The following EIF4A2 variants were observed in gnomAD, a reference collection of about 807,000 sequenced individuals.
EIF4A2 encodes the protein eukaryotic translation initiation factor 4A2, also known as eukaryotic initiation factor 4A-II.
Under a neutral mutation model 50.6 loss-of-function variants are expected in EIF4A2, and 9 were observed. The ratio of observed to expected loss-of-function variants is 0.18; its 90% CI spans 0.11 to 0.31. The LOEUF (loss-of-function observed/expected upper bound fraction) is 0.31, where lower values mean the gene tolerates loss of function less well. Ranked by LOEUF, EIF4A2 falls within the 10% of genes least tolerant of loss-of-function variation. The probability of loss-of-function intolerance (pLI) is 1.00; values close to 1 mark genes in which losing one functional copy is unlikely to be tolerated. For synonymous variants in EIF4A2, 215 were observed against 164.4 expected (o/e 1.31, Z -2.35); for missense variants, 182 against 501.8 (o/e 0.36, Z 6.09).
intron 1 of EIF4A2, chr3:186,784,151 C>G: frequency 1.9e-6 from 1 of 534,386 alleles, no homozygotes. Context: ...ACCCGGCTTG[C>G]GCATTGTTGG....
Position 186,787,507 on chromosome 3 carries a change from G to T in EIF4A2, c.922G>T (p.Asp308Tyr). Reference protein sequence around the residue: ...FTVSALHGDMDQKERDVIMRE... With the variant: ...FTVSALHGDMYQKERDVIMRE... ...TATTAATTTGCAGCATGGTGACATG[G>T]ACCAGAAGGAGAGAGATGTTATCAT... is the stretch of plus-strand genomic sequence containing the variant. Residue 308 changes from aspartate to tyrosine, a missense_variant, in exon 9 of 11, where the codon GAC (aspartate) becomes TAC (tyrosine). Asp to Tyr is a radical substitution (Grantham distance 160). Transcript: ENST00000323963. 6.2e-7 allele frequency: 1 copy of T among 1,613,104 alleles called. No individual in the cohort carries two copies. Among genetic ancestry groups the T allele is most frequent in the South Asian group, 1.1e-5 (1 of 90,986 alleles).
In EIF4A2 at chr3:186,789,331, C is replaced by A; in HGVS notation, c.*62C>A. 6.5e-7 allele frequency: 1 copy of A among 1,533,944 alleles called. No homozygotes were observed. The highest frequency in any genetic ancestry group is 8.8e-7 in the Non-Finnish European group (1 of 1,139,088). On this transcript the variant is annotated 3_prime_UTR_variant, in exon 11 of 11. Transcript: ENST00000323963. ...TTGCTGAATAGGCGATCACAACGTG[C>A]ATTGTGCTTCTTTCTTTGGGAATAT... is the stretch of plus-strand genomic sequence containing the variant.
intron 4 of EIF4A2, chr3:186,785,415 C>T (rs775818461): frequency 5.1e-6 from 2 of 391,562 alleles, no homozygotes; most frequent in Non-Finnish European, 9.3e-6. Flanking sequence ...TGACTGTCTC[C>T]GTAGTTCGTG....
chr3:186,788,602 C>A (rs1015627848), intron 10 of EIF4A2: 5 of 340,004 alleles, frequency 1.5e-5, no homozygotes, highest in African/African-American at 2.2e-5. Context: ...ATTTGAGTTA[C>A]AACGTGTGAA....
In EIF4A2 at chr3:186,784,437, A is replaced by T; in HGVS notation, c.35A>T (p.His12Leu). The T allele has an allele frequency of 6.2e-7, 1 of 1,614,198 alleles. No homozygotes were observed. The highest frequency in any genetic ancestry group is 8.5e-7 in the Non-Finnish European group (1 of 1,180,032). Residue 12 changes from histidine (H) to leucine (L), a missense_variant, in exon 2 of 11, where the codon CAT becomes CTT. Transcript: ENST00000323963. The stretch of plus-strand genomic sequence containing the variant: ...TGCAGTATTCTTGTCAGCAGAGAAC[A>T]TGGCGGCCCAGAGGGAATGGACCCC... ...SGGSADYNRE[H>L]GGPEGMDPDG...
intron 8 of EIF4A2, 93 bp from the exon 9 acceptor site, chr3:186,787,402 T>A (rs890182803): frequency 1.9e-6 from 3 of 1,607,080 alleles, no homozygotes. Flanking sequence ...TATTCTCCTG[T>A]AGCAGCCAGG....
chr3:186,789,669 T>C lies in EIF4A2; in HGVS notation c.*400T>C, dbSNP rs1721999979. 2.8e-6 allele frequency: 1 copy of C among 362,122 alleles called. No homozygotes were observed. Among genetic ancestry groups the C allele is most frequent in the African/African-American group, 2.1e-5 (1 of 47,786 alleles). 22.4% of individuals were successfully genotyped at this position (362,122 alleles called of 1,614,324 possible). A position where few individuals can be genotyped will look rare whatever the true frequency, so the allele number is the denominator to read the frequency against. ...TATCTGCCTTTATTGTGTTTGTCAT[T>C]AGCCTGAGTAGAAAGGCCTTTAAAA... On this transcript the variant is annotated 3_prime_UTR_variant, in exon 11 of 11. Coordinates refer to ENST00000323963, the MANE Select transcript of EIF4A2 (RefSeq NM_001967.4).
intron 10 of EIF4A2, 78 bp downstream of exon 10, chr3:186,787,960 A>G (rs1420064872): frequency 4.2e-6 from 6 of 1,435,018 alleles, no homozygotes; most frequent in Non-Finnish European, 4.9e-6. Flanking sequence ...AGGTAACATC[A>G]AATCAAGGAA....
chr3:186,783,665 T>A (rs1298797237), intron 1 of EIF4A2, 26 bp downstream of exon 1: 4 of 1,613,828 alleles, frequency 2.5e-6, no homozygotes, highest in Non-Finnish European at 3.4e-6. Flanking sequence ...GCGGTCGCGG[T>A]CTGTAGTGAA....
chr3:186,785,808 A>G lies in EIF4A2; in HGVS notation c.349-75A>G, dbSNP rs1053996533. On this transcript the variant is annotated intron_variant, in intron 4 of 10. Transcript: ENST00000323963. ...AAAAGCTGTTGGCAGACCAGATTAT[A>G]TTTGCCTTTATGCTTTAAAAATTAG... 2.9e-5 allele frequency: 44 copies of G among 1,527,116 alleles called. 1 individual carries two copies. The highest frequency in any genetic ancestry group is 3.6e-5 in the Non-Finnish European group (41 of 1,131,352). The allele number at this position is 1,527,116 out of a possible 1,614,324, so 94.6% of individuals were successfully genotyped here.
Position 186,789,361 on chromosome 3 carries a change from ATCTTG to A in EIF4A2, c.*96_*100del. 1 of 1,494,388 alleles carries A rather than the reference ATCTTG, an allele frequency of 6.7e-7. No individual in the cohort carries two copies. The allele number at this position is 1,494,388 out of a possible 1,614,324, so 92.6% of individuals were successfully genotyped here. A position where few individuals can be genotyped will look rare whatever the true frequency, so the allele number is the denominator to read the frequency against. On this transcript the variant is annotated 3_prime_UTR_variant, in exon 11 of 11. Coordinates refer to ENST00000323963, the MANE Select transcript of EIF4A2 (RefSeq NM_001967.4). ...TGCTTCTTTCTTTGGGAATATTTGA[ATCTTG>A]TCTCAATGCTCATAACGGATCAGAA... is the stretch of plus-strand genomic sequence containing the variant.
chr3:186,784,703 G>A lies in EIF4A2; in HGVS notation c.208+7G>A. ...ATTATTCCCTGTATTAAAGGTAAAA[G>A]AAACTGGCATTTTTAGGAAATTGTT... is the stretch of plus-strand genomic sequence containing the variant. On this transcript the variant is annotated splice_region_variant and intron_variant, in intron 3 of 10. Transcript: ENST00000323963. 1 of 1,612,566 alleles carries A rather than the reference G, an allele frequency of 6.2e-7. No homozygotes were observed.
At position 186,788,276 on chromosome 3, in the gene EIF4A2, T is replaced by C. The variant is rs549232545; in HGVS notation, c.1079+394T>C. 12 of 1,286,888 alleles carry C rather than the reference T, an allele frequency of 9.3e-6. No individual in the cohort carries two copies. In the Admixed American group the frequency reaches 1.1e-4, roughly 12 times the overall value. 79.7% of individuals were successfully genotyped at this position (1,286,888 alleles called of 1,614,324 possible). A position where few individuals can be genotyped will look rare whatever the true frequency, so the allele number is the denominator to read the frequency against. On this transcript the variant is annotated intron_variant, in intron 10 of 10. Transcript: ENST00000323963. The stretch of plus-strand genomic sequence containing the variant: ...AAATAAATTGAATTGTACTTTGTTA[T>C]ATGATGTAAAAAAAGACTTTTTAAA...
chr3:186,788,789 C>G (rs931333207), intron 10 of EIF4A2: 1 of 262,364 alleles, frequency 3.8e-6, no homozygotes, highest in Middle Eastern at 1.3e-3. Context: ...GTGTTCACAT[C>G]TGTCCCAGGC....
At chr3:186,785,567 T>C (rs1332889958) in intron 4 of EIF4A2, 1 of 334,174 alleles carries the variant, frequency 3.0e-6, no homozygotes. Flanking sequence ...TCATTTGCCC[T>C]AGCTGTAATT....
intron 3 of EIF4A2, 72 bp downstream of exon 3, chr3:186,784,768 G>T: frequency 6.2e-7 from 1 of 1,608,254 alleles, no homozygotes; most frequent in Non-Finnish European, 8.5e-7. Context: ...GTAACCTCTG[G>T]GGGACTAGCA....
At position 186,789,173 on chromosome 3, in the gene EIF4A2, T is replaced by C. The variant is rs762158284; in HGVS notation, c.1128T>C (p.Phe376=). ...GGAGGAAAGGTGTGGCTATAAACTT[T>C]GTTACTGAAGAAGACAAGAGGATTC... ...RFGRKGVAIN[F]VTEEDKRILR... The change falls in exon 11 of 11, where the codon TTT becomes TTC. Residue 376 remains phenylalanine, a synonymous_variant. Coordinates refer to ENST00000323963, the MANE Select transcript of EIF4A2 (RefSeq NM_001967.4). 25 of 1,613,734 alleles carry C rather than the reference T, an allele frequency of 1.5e-5. No homozygotes were observed. The highest frequency in any genetic ancestry group is 2.2e-5 in the East Asian group (1 of 44,890).
At chr3:186,788,446 C>T (rs569963650) in intron 10 of EIF4A2, 3 of 1,228,700 alleles carry the variant, frequency 2.4e-6, no homozygotes, top group South Asian at 2.8e-5. Context: ...TTTCTTTTGT[C>T]ATGATTATTT....
chr3:186,789,674 TGAGTA>T lies in EIF4A2; in HGVS notation c.*408_*412del, dbSNP rs1448331944. On this transcript the variant is annotated 3_prime_UTR_variant, in exon 11 of 11. Coordinates refer to ENST00000323963, the MANE Select transcript of EIF4A2 (RefSeq NM_001967.4). ...GCCTTTATTGTGTTTGTCATTAGCC[TGAGTA>T]GAAAGGCCTTTAAAATTTTTTTAGA... 88 of 366,314 alleles carry T rather than the reference TGAGTA, an allele frequency of 2.4e-4. No individual in the cohort carries two copies. The highest frequency in any genetic ancestry group is 7.5e-4 in the Middle Eastern group (1 of 1,334). The allele number at this position is 366,314 out of a possible 1,614,324, so 22.7% of individuals were successfully genotyped here. A position where few individuals can be genotyped will look rare whatever the true frequency, so the allele number is the denominator to read the frequency against.
Sources: allele counts gnomAD v4.1 joint callset, GRCh38; gene constraint gnomAD v4.1.1; transcripts MANE v1.5; gene names NCBI Gene and HGNC (gene_info 2026-07-23, HGNC 2026-07-21).